Variants in QTMAN observed in about 807,000 individuals in gnomAD.
The protein encoded by QTMAN is tRNA-queuosine alpha-mannosyltransferase.
At chr2:144,282,131 T>A in the QTMAN span, among the ~76,000 whole-genome samples, 1 of 152,156 alleles carries the variant, frequency 6.6e-6, no homozygotes, top group Non-Finnish European at 1.5e-5. Flanking sequence ...TGCTCTGCTG[T>A]CACCATCTTG....
At chr2:144,242,322 C>G in the QTMAN span, among the ~76,000 whole-genome samples, 3 of 151,714 alleles carry the variant, frequency 2.0e-5, no homozygotes, top group Non-Finnish European at 2.9e-5. Context: ...AAAAAACAAG[C>G]AGGAGAAAAA....
chr2:144,222,145 C>T, the QTMAN span, among the ~76,000 whole-genome samples: 2 of 151,964 alleles, frequency 1.3e-5, no homozygotes, highest in East Asian at 2.0e-4. Context: ...CTGCAAACTC[C>T]GCCTCCCGGG....
At chr2:144,171,163 C>T in the QTMAN span, among the ~76,000 whole-genome samples, 1 of 152,066 alleles carries the variant, frequency 6.6e-6, no homozygotes, top group African/African-American at 2.4e-5. Flanking sequence ...GAGCTTAAAA[C>T]CATGTCTGGC....
chr2:144,089,428 G>T, the QTMAN span, among the ~76,000 whole-genome samples: 1 of 151,968 alleles, frequency 6.6e-6, no homozygotes, highest in South Asian at 2.1e-4. Flanking sequence ...ATTTAATTGA[G>T]CATTCCCACT....
the QTMAN span, among the ~76,000 whole-genome samples, chr2:144,139,466 C>T: frequency 6.6e-6 from 1 of 152,014 alleles, no homozygotes; most frequent in Admixed American, 6.6e-5. Context: ...GGTTTAATCA[C>T]AACCATTAAC....
the QTMAN span, among the ~76,000 whole-genome samples, chr2:144,164,904 C>T: frequency 6.6e-6 from 1 of 152,146 alleles, no homozygotes; most frequent in East Asian, 1.9e-4. Flanking sequence ...CACTAGTCAC[C>T]CAATTCTAAG....
chr2:143,990,296 T>A, the QTMAN span, among the ~76,000 whole-genome samples: 1 of 152,046 alleles, frequency 6.6e-6, no homozygotes, highest in African/African-American at 2.4e-5. Flanking sequence ...TTGGGAAAAA[T>A]TCTACATATT....
chr2:144,102,757 C>T, the QTMAN span, among the ~76,000 whole-genome samples: 1 of 152,220 alleles, frequency 6.6e-6, no homozygotes, highest in Non-Finnish European at 1.5e-5. Flanking sequence ...GAGCTATATT[C>T]ATCTTGTACT....
At chr2:144,028,275 G>A in the QTMAN span, among the ~76,000 whole-genome samples, 1 of 152,134 alleles carries the variant, frequency 6.6e-6, no homozygotes, top group Non-Finnish European at 1.5e-5. Context: ...CATAGTGGTT[G>A]GCACAAATAC....
At chr2:144,072,967 G>C in the QTMAN span, among the ~76,000 whole-genome samples, 10 of 152,056 alleles carry the variant, frequency 6.6e-5, no homozygotes. Flanking sequence ...TACAAGTTTT[G>C]CTCTGTGGCC....
At chr2:144,060,981 T>C in the QTMAN span, among the ~76,000 whole-genome samples, 2 of 152,284 alleles carry the variant, frequency 1.3e-5, no homozygotes, top group South Asian at 2.1e-4. Context: ...TAGAGAATCA[T>C]GTCATCATAT....
the QTMAN span, among the ~76,000 whole-genome samples, chr2:144,115,547 C>A: frequency 6.6e-6 from 1 of 152,228 alleles, no homozygotes; most frequent in East Asian, 1.9e-4. Flanking sequence ...TCCACCAGGA[C>A]ATCGCTCCCT....
chr2:144,284,933 C>CTT, the QTMAN span, among the ~76,000 whole-genome samples: 27 of 128,366 alleles, frequency 2.1e-4, no homozygotes, highest in African/African-American at 5.5e-4. Flanking sequence ...GGAGGCCAAA[C>CTT]TTTTTTTTTT....
At chr2:144,272,045 T>G in the QTMAN span, among the ~76,000 whole-genome samples, 2 of 152,162 alleles carry the variant, frequency 1.3e-5, no homozygotes, top group Non-Finnish European at 2.9e-5. Context: ...AGAATGAAAC[T>G]CCATAAGCCC....
the QTMAN span, among the ~76,000 whole-genome samples, chr2:144,296,514 G>C: frequency 3.9e-5 from 6 of 152,140 alleles, no homozygotes; most frequent in East Asian, 1.2e-3. Flanking sequence ...AAATATTAAA[G>C]TACAAAAAAT....
the QTMAN span, among the ~76,000 whole-genome samples, chr2:143,967,586 C>T: frequency 6.6e-6 from 1 of 152,170 alleles, no homozygotes; most frequent in East Asian, 1.9e-4. Context: ...CCACCTCGGC[C>T]TCCCAAGGTG....
the QTMAN span, among the ~76,000 whole-genome samples, chr2:144,073,909 T>C: frequency 1.3e-5 from 2 of 152,140 alleles, no homozygotes; most frequent in African/African-American, 4.8e-5. Flanking sequence ...GGGTATATCA[T>C]CCCATTCTAC....
chr2:144,313,477 T>C, the QTMAN span, among the ~76,000 whole-genome samples: 1 of 151,946 alleles, frequency 6.6e-6, no homozygotes, highest in Non-Finnish European at 1.5e-5. Flanking sequence ...AAATACAGAT[T>C]TACAAAAAAA....
At chr2:144,120,214 C>A in the QTMAN span, among the ~76,000 whole-genome samples, 1 of 152,208 alleles carries the variant, frequency 6.6e-6, no homozygotes, top group African/African-American at 2.4e-5. Flanking sequence ...TTTCAACCTT[C>A]TTATGCACGT....
Sources: allele counts gnomAD v4.1 joint callset (sites outside exome capture counted in the v4.1 genomes callset), GRCh38; gene constraint gnomAD v4.1.1; transcripts MANE v1.5; gene names NCBI Gene and HGNC (gene_info 2026-07-23, HGNC 2026-07-21).